Variants in TDP1 observed in about 807,000 individuals in gnomAD.
TDP1 encodes the protein tyrosyl-DNA phosphodiesterase 1.
Under a neutral mutation model 81.5 loss-of-function variants are expected in TDP1, and 64 were observed. That is an observed-to-expected ratio of 0.79 (90% CI 0.64 to 0.97). The LOEUF (loss-of-function observed/expected upper bound fraction) is 0.97, where lower values mean the gene tolerates loss of function less well. Ranked by LOEUF, TDP1 falls within the 50% of genes least tolerant of loss-of-function variation. TDP1 has a pLI of 0.00. For missense variants in TDP1, 723 were observed against 743.8 expected, an observed-to-expected ratio of 0.97 and a Z score of 0.33; for synonymous variants, 256 against 264.3, an observed-to-expected ratio of 0.97 and a Z score of 0.30.
rs35455108 is a variant in TDP1, at chr14:89,963,416, C to T, written c.302C>T (p.Pro101Leu). 4.0e-3 allele frequency: 6,412 copies of T among 1,614,076 alleles called. 402 individuals carry two copies. In the Admixed American group the frequency reaches 0.1, roughly 25 times the overall value. ...GATGATGAGCTGCAACCAGAAATGC[C>T]GCAGAAGCAGGCTGAGAAAGTGGTG... ...SSDDELQPEM[P>L]QKQAEKVVIK... Residue 101 changes from proline (P) to leucine (L), a missense_variant, in exon 3 of 17, where the codon CCG (proline) becomes CTG (leucine). Coordinates refer to ENST00000335725, the MANE Select transcript of TDP1 (RefSeq NM_018319.4).
In TDP1 at chr14:89,984,531, CT is replaced by C. The variant is rs1780889453; in HGVS notation, c.902del (p.Leu301TyrfsTer27). 6.2e-7 allele frequency: 1 copy of C among 1,614,102 alleles called. No homozygotes were observed. ...QKTQGIWLSP[L>X]YPRIADGTHK... is the part of the protein sequence containing the mutation. ...TTAATTCCAGAATATGGTTGAGCCCCTTATACCCACGAATTGCTGATGGAAC... is the reference window on the plus strand; with the variant it reads ...TTAATTCCAGAATATGGTTGAGCCCCTATACCCACGAATTGCTGATGGAAC... On this transcript the variant is annotated frameshift_variant, in exon 9 of 17. Coordinates refer to ENST00000335725, the MANE Select transcript of TDP1 (RefSeq NM_018319.4). LOFTEE classifies it high-confidence loss of function.
At chr14:90,027,096 T>C (rs1050041510) in intron 15 of TDP1, among the ~76,000 whole-genome samples, 3 of 152,208 alleles carry the variant, frequency 2.0e-5, no homozygotes, top group Non-Finnish European at 4.4e-5. Context: ...AGTGTTCCTA[T>C]TTCCCCACAT....
chr14:89,965,396 C>G (rs986728997), intron 3 of TDP1, among the ~76,000 whole-genome samples: 1 of 151,982 alleles, frequency 6.6e-6, no homozygotes, highest in African/African-American at 2.4e-5. Context: ...GAAGGCTCCT[C>G]CGATATAAAA....
intron 3 of TDP1, chr14:89,965,637 G>T: frequency 3.5e-6 from 1 of 282,358 alleles, no homozygotes; most frequent in Non-Finnish European, 5.3e-6. Flanking sequence ...AGATGACCAG[G>T]AACACCAGGA....
In TDP1 at chr14:89,975,678, G is replaced by A. The variant is rs1270492929; in HGVS notation, c.757-103G>A. ...TGCCTGGTAGAGATCAGTAAAAATAGTTTTAAAAAAAAAAGTTGACCTGAT... is the reference window on the plus strand; with the variant it reads ...TGCCTGGTAGAGATCAGTAAAAATAATTTTAAAAAAAAAAGTTGACCTGAT... On this transcript the variant is annotated intron_variant, in intron 6 of 16. Coordinates refer to ENST00000335725, the MANE Select transcript of TDP1 (RefSeq NM_018319.4). The A allele has an allele frequency of 3.6e-6, 4 of 1,107,194 alleles. No homozygotes were observed. In the Admixed American group the frequency reaches 5.3e-5, roughly 15 times the overall value. 68.6% of individuals were successfully genotyped at this position (1,107,194 alleles called of 1,614,324 possible).
rs768861223 is a variant in TDP1 at position 89,963,383 on chromosome 14, C to T, written c.269C>T (p.Ser90Phe). 1.2e-6 allele frequency: 2 copies of T among 1,614,172 alleles called. No homozygotes were observed. Among genetic ancestry groups the T allele is most frequent in the Non-Finnish European group, 1.7e-6 (2 of 1,180,040 alleles). ...CAGGAGGACCTCGGCTGGTGTCTGT[C>T]CAGCAGTGATGATGAGCTGCAACCA... ...GSQEDLGWCL[S>F]SSDDELQPEM... Residue 90 changes from serine to phenylalanine, a missense_variant, in exon 3 of 17, where the codon TCC becomes TTC. Physicochemically the swap from Ser to Phe is radical, Grantham distance 155. Coordinates refer to ENST00000335725, the MANE Select transcript of TDP1 (RefSeq NM_018319.4).
chr14:89,997,602 T>A (rs1896746467), intron 14 of TDP1, among the ~76,000 whole-genome samples: 1 of 152,200 alleles, frequency 6.6e-6, no homozygotes, highest in African/African-American at 2.4e-5. Context: ...AACACCGTAA[T>A]CCTTTGCGAC....
intron 14 of TDP1, among the ~76,000 whole-genome samples, chr14:89,997,771 T>G (rs1247962827): frequency 6.6e-6 from 1 of 152,176 alleles, no homozygotes; most frequent in Non-Finnish European, 1.5e-5. Flanking sequence ...TGGTCACACA[T>G]TCTCCATTAC....
At chr14:90,035,003 T>A (rs934671765) in intron 16 of TDP1, among the ~76,000 whole-genome samples, 1 of 152,118 alleles carries the variant, frequency 6.6e-6, no homozygotes, top group African/African-American at 2.4e-5. Context: ...CATTCTCAGC[T>A]TTCATGGTGA....
chr14:90,026,519 G>C (rs1489430218), intron 15 of TDP1, among the ~76,000 whole-genome samples: 2 of 152,130 alleles, frequency 1.3e-5, no homozygotes, highest in Non-Finnish European at 2.9e-5. Flanking sequence ...GTGCAGGTTT[G>C]TTACATATGT....
At chr14:89,992,459 C>T (rs532509147) in intron 13 of TDP1, among the ~76,000 whole-genome samples, 3 of 152,270 alleles carry the variant, frequency 2.0e-5, no homozygotes, top group East Asian at 3.9e-4. Context: ...GTCCTTCACC[C>T]TCCTCCAGCC....
At chr14:89,955,716 G>C (rs1891481890), upstream of TDP1, 1 of 152,258 alleles carries the variant, frequency 6.6e-6, no homozygotes, top group South Asian at 2.1e-4. Flanking sequence ...GAAGTTAGGG[G>C]ACGCCTTTCT....
chr14:90,009,419 A>G (rs533100848), intron 14 of TDP1, among the ~76,000 whole-genome samples: 6 of 152,350 alleles, frequency 3.9e-5, no homozygotes, highest in Middle Eastern at 3.4e-3. Flanking sequence ...TAATGTTTCA[A>G]TTATGCCAGG....
intron 15 of TDP1, among the ~76,000 whole-genome samples, chr14:90,027,380 C>G (rs1886789144): frequency 6.6e-6 from 1 of 152,008 alleles, no homozygotes; most frequent in Non-Finnish European, 1.5e-5. Flanking sequence ...AAACCCTCAG[C>G]AGCAATCTTT....
chr14:90,013,246 G>T (rs1454656117), intron 14 of TDP1, among the ~76,000 whole-genome samples: 1 of 152,208 alleles, frequency 6.6e-6, no homozygotes, highest in African/African-American at 2.4e-5. Flanking sequence ...GAGAACATGA[G>T]ATTTGGGAGG....
chr14:90,043,174 A>G lies in TDP1; in HGVS notation c.*31A>G. 1 of 1,614,044 alleles carries G rather than the reference A, an allele frequency of 6.2e-7. No homozygotes were observed. Among genetic ancestry groups the G allele is most frequent in the Non-Finnish European group, 8.5e-7 (1 of 1,179,930 alleles). On this transcript the variant is annotated 3_prime_UTR_variant, in exon 17 of 17. Coordinates refer to ENST00000335725, the MANE Select transcript of TDP1 (RefSeq NM_018319.4). Reference sequence around the variant, plus strand: ...TTGAGGCACTGTGAAATTTAAGTGTAAGACATTGAGCCACAAACATGGAAT... The same window carrying G: ...TTGAGGCACTGTGAAATTTAAGTGTGAGACATTGAGCCACAAACATGGAAT...
chr14:90,035,345 C>T (rs1467034393), intron 16 of TDP1, among the ~76,000 whole-genome samples: 1 of 152,014 alleles, frequency 6.6e-6, no homozygotes, highest in Non-Finnish European at 1.5e-5. Flanking sequence ...TCCCCTATGC[C>T]TTTCTGTTGA....
chr14:90,024,182 C>T (rs1226422304), intron 15 of TDP1, among the ~76,000 whole-genome samples: 1 of 152,190 alleles, frequency 6.6e-6, no homozygotes, highest in East Asian at 1.9e-4. Context: ...TTTTCCCCTT[C>T]GTGCTCCGAC....
intron 15 of TDP1, among the ~76,000 whole-genome samples, chr14:90,019,731 T>C (rs1370499353): frequency 6.6e-6 from 1 of 152,204 alleles, no homozygotes. Context: ...AGGTGGTAGA[T>C]GACAAGTCAC....
Sources: allele counts gnomAD v4.1 joint callset (sites outside exome capture counted in the v4.1 genomes callset), GRCh38; gene constraint gnomAD v4.1.1; transcripts MANE v1.5; gene names NCBI Gene and HGNC (gene_info 2026-07-23, HGNC 2026-07-21).